The following SLIT2 variants were observed in gnomAD, a reference collection of about 807,000 sequenced individuals.
SLIT2 encodes the protein slit homolog 2 protein.
In SLIT2, 41 loss-of-function variants were observed where a neutral mutation model predicts 185.7. That is an observed-to-expected ratio of 0.22 (90% confidence interval 0.17 to 0.29). SLIT2 has a LOEUF of 0.29. Ranked by LOEUF, SLIT2 falls within the 10% of genes least tolerant of loss-of-function variation. SLIT2 has a pLI of 1.00. For synonymous variants in SLIT2, 693 were observed against 680.2 expected (o/e 1.02, Z -0.29); for missense variants, 1,571 against 1,909.0 (o/e 0.82, Z 3.30).
At chr4:20,529,207 T>A in intron 16 of SLIT2, 108 bp downstream of exon 16, 11 of 763,382 alleles carry the variant, frequency 1.4e-5, no homozygotes, top group African/African-American at 3.5e-5. Flanking sequence ...GCATTAATTT[T>A]AATTAATATG....
intron 4 of SLIT2, among the ~76,000 whole-genome samples, chr4:20,402,615 G>C (rs1726447828): frequency 6.6e-6 from 1 of 151,706 alleles, no homozygotes; most frequent in African/African-American, 2.4e-5. Flanking sequence ...AATAACATGG[G>C]ATGTTAATTT....
intron 4 of SLIT2, among the ~76,000 whole-genome samples, chr4:20,423,134 A>G (rs1728289995): frequency 6.6e-6 from 1 of 152,090 alleles, no homozygotes; most frequent in Admixed American, 6.6e-5. Flanking sequence ...TGCATATACT[A>G]GACCCAAATT....
rs543888999 is a variant in SLIT2, at chr4:20,252,674, C to A, written c.-1142C>A. Among the ~76,000 whole-genome samples, 279 of 152,324 alleles carry A rather than the reference C, an allele frequency of 1.8e-3. 1 individual carries two copies. In the Middle Eastern group the frequency reaches 0.024, roughly 13 times the overall value. Reference sequence around the variant, plus strand: ...TGTCTGCCGCGGAGCTGCGGCTTATCTGGGAGACGAGCGGGGTTGACACGC... The same window carrying A: ...TGTCTGCCGCGGAGCTGCGGCTTATATGGGAGACGAGCGGGGTTGACACGC... On this transcript the variant is annotated 5_prime_UTR_variant, in exon 1 of 37. The change creates a new upstream start codon in the 5' untranslated region. Transcript: ENST00000504154.
intron 4 of SLIT2, among the ~76,000 whole-genome samples, chr4:20,293,832 C>A (rs781413108): frequency 6.6e-6 from 1 of 152,176 alleles, no homozygotes; most frequent in Non-Finnish European, 1.5e-5. Context: ...AGAGCCTTCA[C>A]TGTGGCTCAG....
At chr4:20,482,955 C>G (rs1006334420) in intron 6 of SLIT2, among the ~76,000 whole-genome samples, 1 of 151,540 alleles carries the variant, frequency 6.6e-6, no homozygotes, top group Non-Finnish European at 1.5e-5. Flanking sequence ...TTGTGAAATA[C>G]AACAAAAGTT....
intron 4 of SLIT2, among the ~76,000 whole-genome samples, chr4:20,462,048 G>T (rs1560443032): frequency 6.6e-6 from 1 of 152,100 alleles, no homozygotes; most frequent in Non-Finnish European, 1.5e-5. Flanking sequence ...GTCTAAAATG[G>T]TAATCTACAT....
At position 20,619,838 on chromosome 4, in the gene SLIT2, T is replaced by C. The variant is rs2148994423; in HGVS notation, c.*829T>C. On this transcript the variant is annotated 3_prime_UTR_variant, in exon 37 of 37. Transcript: ENST00000504154. ...TTTAGGCCATCCTTTTACTGTTCCT[T>C]GATGCTTTAATATATATTAATTTAT... 2.0e-5 allele frequency: 3 copies of C among 152,286 alleles called. No homozygotes were observed. The East Asian group carries it at 5.8e-4, about 29-fold the overall frequency. 9.4% of individuals were successfully genotyped at this position (152,286 alleles called of 1,614,324 possible). A position where few individuals can be genotyped will look rare whatever the true frequency, so the allele number is the denominator to read the frequency against.
At chr4:20,256,338 T>C (rs1711835054) in intron 1 of SLIT2, among the ~76,000 whole-genome samples, 1 of 151,922 alleles carries the variant, frequency 6.6e-6, no homozygotes, top group South Asian at 2.1e-4. Flanking sequence ...CTAACAATTA[T>C]AGTAAAATAG....
At chr4:20,597,068 G>GTT (rs562211138) in intron 32 of SLIT2, among the ~76,000 whole-genome samples, 45 of 135,060 alleles carry the variant, frequency 3.3e-4, no homozygotes, top group African/African-American at 6.8e-4. Flanking sequence ...TTGTTTTGTT[G>GTT]TTTTTTTTTT....
chr4:20,407,308 G>A (rs1726852059), intron 4 of SLIT2, among the ~76,000 whole-genome samples: 1 of 152,098 alleles, frequency 6.6e-6, no homozygotes, highest in South Asian at 2.1e-4. Flanking sequence ...ATTCAACACA[G>A]TCTCTAAGCA....
At chr4:20,294,421 A>G (rs1362229928) in intron 4 of SLIT2, among the ~76,000 whole-genome samples, 2 of 152,136 alleles carry the variant, frequency 1.3e-5, no homozygotes, top group African/African-American at 4.8e-5. Context: ...AGGTAAATAT[A>G]CAAAGGTCTC....
At chr4:20,568,786 G>T in intron 28 of SLIT2, 79 bp from the exon 29 acceptor site, 1 of 1,317,728 alleles carries the variant, frequency 7.6e-7, no homozygotes, top group Non-Finnish European at 1.1e-6. Flanking sequence ...GTGTAATTAT[G>T]CTTTTTTCAA....
At chr4:20,426,392 A>G (rs1728559019) in intron 4 of SLIT2, among the ~76,000 whole-genome samples, 1 of 152,224 alleles carries the variant, frequency 6.6e-6, no homozygotes, top group African/African-American at 2.4e-5. Flanking sequence ...TCTTTAGAAA[A>G]TAGGGAGTTT....
intron 18 of SLIT2, among the ~76,000 whole-genome samples, chr4:20,538,843 G>A (rs1722543800): frequency 6.6e-6 from 1 of 151,144 alleles, no homozygotes; most frequent in African/African-American, 2.4e-5. Flanking sequence ...TGTGGATATG[G>A]GATCTGTTAC....
chr4:20,451,627 A>G (rs550102477), intron 4 of SLIT2, among the ~76,000 whole-genome samples: 1 of 152,328 alleles, frequency 6.6e-6, no homozygotes, highest in South Asian at 2.1e-4. Flanking sequence ...TGAGCCTTGA[A>G]TCTACTGGGG....
intron 33 of SLIT2, among the ~76,000 whole-genome samples, chr4:20,600,413 A>ATATTTTTTT: frequency 1.1e-5 from 1 of 89,500 alleles, no homozygotes; most frequent in South Asian, 3.8e-4. Flanking sequence ...ATTATGTTGC[A>ATATTTTTTT]TTTTTTTTTT....
chr4:20,474,290 A>T (rs1022795418), intron 5 of SLIT2, among the ~76,000 whole-genome samples: 6 of 152,040 alleles, frequency 3.9e-5, no homozygotes, highest in African/African-American at 1.4e-4. Context: ...AGCTCAGCAG[A>T]TGTCCCCATC....
chr4:20,561,925 A>G (rs945324290), intron 26 of SLIT2, among the ~76,000 whole-genome samples: 2 of 151,900 alleles, frequency 1.3e-5, no homozygotes, highest in African/African-American at 2.4e-5. Context: ...TATGTTTTAC[A>G]TCCATATTCT....
At chr4:20,379,774 T>C (rs1239559730) in intron 4 of SLIT2, among the ~76,000 whole-genome samples, 1 of 152,018 alleles carries the variant, frequency 6.6e-6, no homozygotes, top group Non-Finnish European at 1.5e-5. Context: ...TTATGAGAGA[T>C]GGGAAACAAG....
Sources: gnomAD v4.1 joint callset for allele counts (sites outside exome capture counted in the v4.1 genomes callset) on GRCh38, gnomAD v4.1.1 for gene constraint, MANE v1.5 for transcripts, NCBI Gene and HGNC (gene_info 2026-07-23, HGNC 2026-07-21) for gene names.